PCMTD1: variants seen among roughly 807,000 people sequenced by gnomAD.
The protein encoded by PCMTD1 is protein-L-isoaspartate (D-aspartate) O-methyltransferase domain containing 1.
In PCMTD1, 12 loss-of-function variants were observed where a neutral mutation model predicts 37.6. The observed-to-expected ratio is 0.32, with a 90% CI of 0.20 to 0.52. The LOEUF is 0.52. Ranked by LOEUF, PCMTD1 falls within the 20% of genes least tolerant of loss-of-function variation. The probability of loss-of-function intolerance (pLI) is 0.97; values close to 1 mark genes in which losing one functional copy is unlikely to be tolerated. For missense variants in PCMTD1, 235 were observed against 421.3 expected (o/e 0.56, Z 3.87); for synonymous variants, 117 against 135.8 (o/e 0.86, Z 0.96).
chr8:51,877,595 A>G (rs530346145), intron 1 of PCMTD1, among the ~76,000 whole-genome samples: 2 of 152,308 alleles, frequency 1.3e-5, no homozygotes, highest in South Asian at 4.1e-4. Context: ...AGAAGTTACT[A>G]TTTATTCCTA....
intron 1 of PCMTD1, among the ~76,000 whole-genome samples, chr8:51,872,980 T>A (rs2038660128): frequency 6.6e-6 from 1 of 152,232 alleles, no homozygotes. Flanking sequence ...AATCTAAGCA[T>A]ATTTACTTAT....
intron 2 of PCMTD1, among the ~76,000 whole-genome samples, chr8:51,853,298 A>T (rs2038335739): frequency 6.6e-6 from 1 of 152,178 alleles, no homozygotes; most frequent in Non-Finnish European, 1.5e-5. Context: ...CCAGCAGACC[A>T]AGCAGCCCTG....
intron 2 of PCMTD1, among the ~76,000 whole-genome samples, chr8:51,855,194 C>G (rs372532954): frequency 2.2e-5 from 2 of 89,864 alleles, no homozygotes; most frequent in Non-Finnish European, 4.7e-5. Context: ...AAAAAACAAA[C>G]AAAAAAAAAA....
chr8:51,820,742 G>T, intron 5 of PCMTD1, 24 bp from the exon 6 acceptor site: 2 of 1,553,458 alleles, frequency 1.3e-6, no homozygotes, highest in Middle Eastern at 1.7e-4. Flanking sequence ...TAAAACGCAA[G>T]AAAGAAAATA....
At chr8:51,826,786 G>T in intron 5 of PCMTD1, 2 of 477,794 alleles carry the variant, frequency 4.2e-6, no homozygotes, top group Non-Finnish European at 5.5e-6. Context: ...AATTTATGAA[G>T]TCTCTTATGC....
rs1163971032 is a variant in PCMTD1, at chr8:51,899,021, G to T, written c.-187C>A. 2.6e-6 allele frequency: 4 copies of T among 1,513,034 alleles called. No individual in the cohort carries two copies. Among genetic ancestry groups the T allele is most frequent in the African/African-American group, 1.4e-5 (1 of 70,848 alleles). The allele number at this position is 1,513,034 out of a possible 1,614,324, so 93.7% of individuals were successfully genotyped here. ...CCGCTACCACCACAATAACAACACG[G>T]ACGCCACCGCCGAGTGGAGAGGCGG... On this transcript the variant is annotated 5_prime_UTR_variant, in exon 1 of 6. Transcript: ENST00000522514.
intron 1 of PCMTD1, among the ~76,000 whole-genome samples, chr8:51,879,894 G>A (rs1415817120): frequency 6.6e-6 from 1 of 152,014 alleles, no homozygotes; most frequent in African/African-American, 2.4e-5. Context: ...TTTAATAAAA[G>A]GGCAAAGGCC....
chr8:51,854,903 G>T (rs1299577718), intron 2 of PCMTD1, among the ~76,000 whole-genome samples: 2 of 150,068 alleles, frequency 1.3e-5, no homozygotes, highest in Middle Eastern at 7.0e-3. Flanking sequence ...GGCTAGGCGT[G>T]GTGGCTCACG....
At chr8:51,863,412 G>A (rs1368706240) in intron 1 of PCMTD1, among the ~76,000 whole-genome samples, 1 of 152,134 alleles carries the variant, frequency 6.6e-6, no homozygotes, top group Non-Finnish European at 1.5e-5. Context: ...AAGGCAAGAA[G>A]AAGAATGAAA....
intron 1 of PCMTD1, among the ~76,000 whole-genome samples, chr8:51,870,556 TAGC>T (rs1302921406): frequency 2.0e-5 from 3 of 152,234 alleles, no homozygotes; most frequent in African/African-American, 7.2e-5. Context: ...TGATAACATA[TAGC>T]AGCAATTTCC....
chr8:51,845,411 T>C (rs2059593960), intron 3 of PCMTD1: 3 of 344,506 alleles, frequency 8.7e-6, no homozygotes, highest in African/African-American at 2.1e-5. Context: ...GATAGCTGAA[T>C]GTTTAATGAA....
chr8:51,843,564 C>A (rs2038176890), intron 3 of PCMTD1, among the ~76,000 whole-genome samples: 3 of 149,484 alleles, frequency 2.0e-5, no homozygotes, highest in Admixed American at 6.7e-5. Context: ...ACTAAAGAAA[C>A]ATAAGCCAGG....
intron 1 of PCMTD1, among the ~76,000 whole-genome samples, chr8:51,879,961 T>C (rs192583855): frequency 5.9e-5 from 9 of 152,104 alleles, no homozygotes; most frequent in South Asian, 4.1e-4. Context: ...GGCTGGAGGA[T>C]TGCTTGAGGC....
At chr8:51,841,758 A>T (rs1330615768) in intron 3 of PCMTD1, among the ~76,000 whole-genome samples, 1 of 152,188 alleles carries the variant, frequency 6.6e-6, no homozygotes, top group African/African-American at 2.4e-5. Flanking sequence ...AAAGCCAGAT[A>T]TCTAAAGGCC....
chr8:51,830,607 G>A (rs1459684931), intron 5 of PCMTD1, among the ~76,000 whole-genome samples: 1 of 152,114 alleles, frequency 6.6e-6, no homozygotes, highest in African/African-American at 2.4e-5. Context: ...TGGCCTGCCT[G>A]CCTTTTTTTC....
intron 3 of PCMTD1, among the ~76,000 whole-genome samples, chr8:51,839,113 A>C (rs1379119468): frequency 6.6e-6 from 1 of 152,192 alleles, no homozygotes; most frequent in Non-Finnish European, 1.5e-5. Flanking sequence ...AAAATGTTCA[A>C]AACAAAATTT....
intron 4 of PCMTD1, 56 bp downstream of exon 4, chr8:51,833,462 C>T: frequency 7.0e-7 from 1 of 1,437,428 alleles, no homozygotes; most frequent in African/African-American, 1.4e-5. Flanking sequence ...ATTTCTTAAC[C>T]TTAAACAAAT....
intron 1 of PCMTD1, among the ~76,000 whole-genome samples, chr8:51,882,844 A>G (rs2129292726): frequency 6.6e-6 from 1 of 151,046 alleles, no homozygotes; most frequent in East Asian, 1.9e-4. Context: ...GAAATAAAAA[A>G]CGGCCGGACG....
chr8:51,836,805 C>T (rs957296792), intron 3 of PCMTD1, among the ~76,000 whole-genome samples: 2 of 152,146 alleles, frequency 1.3e-5, no homozygotes, highest in African/African-American at 4.8e-5. Flanking sequence ...TACTCCTGGC[C>T]TCAAGTGATC....
Sources: gnomAD v4.1 joint callset for allele counts (sites outside exome capture counted in the v4.1 genomes callset) on GRCh38, gnomAD v4.1.1 for gene constraint, MANE v1.5 for transcripts, NCBI Gene and HGNC (gene_info 2026-07-23, HGNC 2026-07-21) for gene names.